Variants in ZNF621 observed in about 807,000 individuals in gnomAD.
The protein encoded by ZNF621 is zinc finger protein 621.
ZNF621 carries 6 observed loss-of-function variants against 12.7 expected under a neutral mutation model. That is an observed-to-expected ratio of 0.47 (90% CI 0.26 to 0.93). ZNF621 has a LOEUF of 0.93. Ranked by LOEUF, ZNF621 falls within the 40% of genes least tolerant of loss-of-function variation. The probability of loss-of-function intolerance (pLI) is 0.15; values close to 1 mark genes in which losing one functional copy is unlikely to be tolerated. For synonymous variants in ZNF621, 156 were observed against 190.3 expected, an observed-to-expected ratio of 0.82 and a Z score of 1.48; for missense variants, 474 against 524.0, an observed-to-expected ratio of 0.90 and a Z score of 0.93.
In ZNF621 at chr3:40,539,143, GC is replaced by G; in HGVS notation, c.*6054del. 6.2e-6 allele frequency: 1 copy of G among 160,252 alleles called. No homozygotes were observed. Among genetic ancestry groups the G allele is most frequent in the Non-Finnish European group, 1.3e-5 (1 of 74,292 alleles). The allele number at this position is 160,252 out of a possible 1,614,324, so 9.9% of individuals were successfully genotyped here. ...TTACATAAACTTAGTTGATAAAACA[GC>G]AGCAGAGTTTGAGAGGATTGACTTC... On this transcript the variant is annotated 3_prime_UTR_variant, in exon 5 of 5. Transcript: ENST00000339296.
chr3:40,527,287 G>A (rs1342300985), intron 2 of ZNF621, among the ~76,000 whole-genome samples: 1 of 151,918 alleles, frequency 6.6e-6, no homozygotes, highest in Non-Finnish European at 1.5e-5. Flanking sequence ...AAAGTGTTGG[G>A]ATTACAGGCG....
chr3:40,530,130 T>G (rs1698687298), intron 3 of ZNF621, 79 bp from the exon 4 acceptor site: 7 of 1,205,678 alleles, frequency 5.8e-6, no homozygotes, highest in South Asian at 3.9e-5. Flanking sequence ...AGTAGCCTGA[T>G]GGAGGGTGGG....
intron 2 of ZNF621, among the ~76,000 whole-genome samples, chr3:40,528,294 T>G (rs1315300665): frequency 6.6e-6 from 1 of 152,224 alleles, no homozygotes; most frequent in Non-Finnish European, 1.5e-5. Flanking sequence ...GTAATGCATT[T>G]CGTTTCCTCT....
intron 3 of ZNF621, 37 bp from the exon 4 acceptor site, chr3:40,530,172 T>A (rs771054813): frequency 5.1e-6 from 8 of 1,563,698 alleles, no homozygotes; most frequent in Non-Finnish European, 7.0e-6. Context: ...GCTCTGGACG[T>A]CTCCCCTCAA....
In ZNF621 at chr3:40,536,462, T is replaced by C. The variant is rs1698866444; in HGVS notation, c.*3372T>C. 2 of 152,188 alleles carry C rather than the reference T, an allele frequency of 1.3e-5. No homozygotes were observed. The highest frequency in any genetic ancestry group is 6.5e-5 in the Admixed American group (1 of 15,282). 9.4% of individuals were successfully genotyped at this position (152,188 alleles called of 1,614,324 possible). ...AATATACATATTTTATACAAAATTA[T>C]AAAGAAAGCATAGAGAGGTAAGCAT... On this transcript the variant is annotated 3_prime_UTR_variant, in exon 5 of 5. Coordinates refer to ENST00000339296, the MANE Select transcript of ZNF621 (RefSeq NM_198484.5).
At position 40,532,255 on chromosome 3, in the gene ZNF621, A is replaced by G. The variant is rs751651305; in HGVS notation, c.485A>G (p.Tyr162Cys). The G allele has an allele frequency of 4.3e-6, 7 of 1,614,028 alleles. No homozygotes were observed. The highest frequency in any genetic ancestry group is 1.1e-5 in the South Asian group (1 of 91,092). Residue 162 changes from tyrosine (Y) to cysteine (C), a missense_variant, in exon 5 of 5, where the codon TAT becomes TGT. Physicochemically the swap from Tyr to Cys is radical, Grantham distance 194. Coordinates refer to ENST00000339296, the MANE Select transcript of ZNF621 (RefSeq NM_198484.5). ...AAAGAATGTGGGAAAATCTTCCGAT[A>G]TAACTCAAAGCTTATTCGGCATCAG... Reference protein sequence around the residue: ...ECKECGKIFRYNSKLIRHQMS... With the variant: ...ECKECGKIFRCNSKLIRHQMS...
rs1698829669 is a variant in ZNF621, at chr3:40,534,990, C to T, written c.*1900C>T. ...ACTACAATTTTTGGAGTCCACTTAA[C>T]TCCCCTGCTTTCCTAGGCCACTACT... On this transcript the variant is annotated 3_prime_UTR_variant, in exon 5 of 5. Transcript: ENST00000339296. 1 of 152,214 alleles carries T rather than the reference C, an allele frequency of 6.6e-6. No individual in the cohort carries two copies. Among genetic ancestry groups the T allele is most frequent in the Non-Finnish European group, 1.5e-5 (1 of 68,058 alleles). The allele number at this position is 152,214 out of a possible 1,614,324, so 9.4% of individuals were successfully genotyped here. A position where few individuals can be genotyped will look rare whatever the true frequency, so the allele number is the denominator to read the frequency against.
At chr3:40,525,746 G>T (rs755175744) in intron 1 of ZNF621, 33 bp from the exon 2 acceptor site, 2 of 1,577,886 alleles carry the variant, frequency 1.3e-6, no homozygotes, top group Non-Finnish European at 8.7e-7. Flanking sequence ...TGGACGACAG[G>T]GTCCTTAGCA....
rs2125682892 is a variant in ZNF621 at position 40,539,745 on chromosome 3, G to A, written c.*6655G>A. ...AAAAATCATATCATTTAAAAAGCCT[G>A]ATGATTTAATATTTTTCATAAAGAA... On this transcript the variant is annotated 3_prime_UTR_variant, in exon 5 of 5. Coordinates refer to ENST00000339296, the MANE Select transcript of ZNF621 (RefSeq NM_198484.5). 1 of 152,276 alleles carries A rather than the reference G, an allele frequency of 6.6e-6. No individual in the cohort carries two copies. The highest frequency in any genetic ancestry group is 2.4e-5 in the African/African-American group (1 of 41,550). The allele number at this position is 152,276 out of a possible 1,614,324, so 9.4% of individuals were successfully genotyped here.
At chr3:40,528,640 GT>G (rs1269069023) in intron 2 of ZNF621, among the ~76,000 whole-genome samples, 2 of 152,152 alleles carry the variant, frequency 1.3e-5, no homozygotes, top group Non-Finnish European at 2.9e-5. Context: ...GAGTTCTGTT[GT>G]TTCACATCCT....
In ZNF621 at chr3:40,534,100, TTGA is replaced by T. The variant is rs1465578284; in HGVS notation, c.*1014_*1016del. 2 of 152,588 alleles carry T rather than the reference TTGA, an allele frequency of 1.3e-5. No individual in the cohort carries two copies. Among genetic ancestry groups the T allele is most frequent in the Non-Finnish European group, 2.9e-5 (2 of 68,034 alleles). The allele number at this position is 152,588 out of a possible 1,614,324, so 9.5% of individuals were successfully genotyped here. ...GTTGAATCTGTTGTGCAGATTTTTC[TTGA>T]TGAGCATTCTGTTTTTTTTTCTTTG... On this transcript the variant is annotated 3_prime_UTR_variant, in exon 5 of 5. Coordinates refer to ENST00000339296, the MANE Select transcript of ZNF621 (RefSeq NM_198484.5).
chr3:40,537,060 C>T lies in ZNF621; in HGVS notation c.*3970C>T, dbSNP rs996528234. 2.6e-5 allele frequency: 4 copies of T among 152,186 alleles called. No individual in the cohort carries two copies. Among genetic ancestry groups the T allele is most frequent in the South Asian group, 2.1e-4 (1 of 4,824 alleles). 9.4% of individuals were successfully genotyped at this position (152,186 alleles called of 1,614,324 possible). On this transcript the variant is annotated 3_prime_UTR_variant, in exon 5 of 5. Transcript: ENST00000339296. ...CTCTCCTCAGACCTCACTATTCTCT[C>T]AGACACAACAGTATTGAAATTAGAC...
At position 40,536,821 on chromosome 3, in the gene ZNF621, G is replaced by T. The variant is rs1024573953; in HGVS notation, c.*3731G>T. 1 of 152,070 alleles carries T rather than the reference G, an allele frequency of 6.6e-6. No homozygotes were observed. Among genetic ancestry groups the T allele is most frequent in the African/African-American group, 2.4e-5 (1 of 41,396 alleles). The allele number at this position is 152,070 out of a possible 1,614,324, so 9.4% of individuals were successfully genotyped here. A position where few individuals can be genotyped will look rare whatever the true frequency, so the allele number is the denominator to read the frequency against. ...CTATCAGTGCCATTTTTTTTCAACA[G>T]CATGTGCTCATTTCATTTTTCTGTG... On this transcript the variant is annotated 3_prime_UTR_variant, in exon 5 of 5. Transcript: ENST00000339296.
At chr3:40,529,572 C>G (rs986676421) in intron 3 of ZNF621, 127 bp downstream of exon 3, 7 of 1,580,184 alleles carry the variant, frequency 4.4e-6, no homozygotes, top group Non-Finnish European at 6.0e-6. Context: ...TCCAGAAATA[C>G]TGGGTAGGGA....
rs1415986368 is a variant in ZNF621, at chr3:40,539,618, C to A, written c.*6528C>A. ...AACCTGCAATATCTCCAAGATATGCCTGTATTTTTCAAAATGTGGTCTTTT... is the reference window on the plus strand; with the variant it reads ...AACCTGCAATATCTCCAAGATATGCATGTATTTTTCAAAATGTGGTCTTTT... On this transcript the variant is annotated 3_prime_UTR_variant, in exon 5 of 5. Coordinates refer to ENST00000339296, the MANE Select transcript of ZNF621 (RefSeq NM_198484.5). 6.6e-6 allele frequency: 1 copy of A among 151,990 alleles called. No homozygotes were observed. Among genetic ancestry groups the A allele is most frequent in the Non-Finnish European group, 1.5e-5 (1 of 68,016 alleles). The allele number at this position is 151,990 out of a possible 1,614,324, so 9.4% of individuals were successfully genotyped here. A position where few individuals can be genotyped will look rare whatever the true frequency, so the allele number is the denominator to read the frequency against.
chr3:40,523,800 A>AAAC (rs1553659372), upstream of ZNF621, among the ~76,000 whole-genome samples: 90 of 147,722 alleles, frequency 6.1e-4, no homozygotes, highest in African/African-American at 2.1e-3. Context: ...AGCAAAAAAA[A>AAAC]AAAAAACAAA....
At position 40,539,290 on chromosome 3, in the gene ZNF621, A is replaced by G. The variant is rs1307919345; in HGVS notation, c.*6200A>G. ...CAGCCTTCCTTGTTGTCTCATTTAA[A>G]GAAATCTCTAGAGCCACACTAACCT... is the stretch of plus-strand genomic sequence containing the variant. On this transcript the variant is annotated 3_prime_UTR_variant, in exon 5 of 5. Transcript: ENST00000339296. 1 of 152,324 alleles carries G rather than the reference A, an allele frequency of 6.6e-6. No individual in the cohort carries two copies. Among genetic ancestry groups the G allele is most frequent in the East Asian group, 1.9e-4 (1 of 5,210 alleles). The allele number at this position is 152,324 out of a possible 1,614,324, so 9.4% of individuals were successfully genotyped here.
rs1698749985 is a variant in ZNF621, at chr3:40,532,395, T to A, written c.625T>A (p.Cys209Ser). 1 of 1,613,470 alleles carries A rather than the reference T, an allele frequency of 6.2e-7. No homozygotes were observed. Among genetic ancestry groups the A allele is most frequent in the Admixed American group, 1.7e-5 (1 of 59,990 alleles). ...CCACATTGGAGAAGGGCCCTATGAA[T>A]GTAAGGAGTGTGGCAAAGGTTTGAG... ...KNHIGEGPYE[C>S]KECGKGLSSN... The change falls in exon 5 of 5, where the codon TGT becomes AGT. Residue 209 changes from cysteine to serine, a missense_variant. Physicochemically the swap from Cys to Ser is moderately radical, Grantham distance 112. Coordinates refer to ENST00000339296, the MANE Select transcript of ZNF621 (RefSeq NM_198484.5).
rs1241635070 is a variant in ZNF621 at position 40,536,997 on chromosome 3, T to C, written c.*3907T>C. 6.6e-6 allele frequency: 1 copy of C among 152,234 alleles called. No homozygotes were observed. The highest frequency in any genetic ancestry group is 1.5e-5 in the Non-Finnish European group (1 of 68,048). 9.4% of individuals were successfully genotyped at this position (152,234 alleles called of 1,614,324 possible). The stretch of plus-strand genomic sequence containing the variant: ...TTAGTTGATGTGTGTGTGTGTGTTC[T>C]GATTACTCCACTAACTGATGGTTCC... On this transcript the variant is annotated 3_prime_UTR_variant, in exon 5 of 5. Coordinates refer to ENST00000339296, the MANE Select transcript of ZNF621 (RefSeq NM_198484.5).
Sources: allele counts gnomAD v4.1 joint callset (sites outside exome capture counted in the v4.1 genomes callset), GRCh38; gene constraint gnomAD v4.1.1; transcripts MANE v1.5; gene names NCBI Gene and HGNC (gene_info 2026-07-23, HGNC 2026-07-21).